The following ST6GALNAC5 variants were observed in gnomAD, a reference collection of about 807,000 sequenced individuals.
ST6GALNAC5 encodes the protein alpha-N-acetylgalactosaminide alpha-2,6-sialyltransferase 5.
ST6GALNAC5 carries 27 observed loss-of-function variants against 33.6 expected under a neutral mutation model. The observed-to-expected ratio is 0.80, with a 90% confidence interval of 0.59 to 1.11. The LOEUF (loss-of-function observed/expected upper bound fraction) is 1.11. Ranked by LOEUF, ST6GALNAC5 falls within the 50% of genes least tolerant of loss-of-function variation. ST6GALNAC5 has a pLI of 0.00. For missense variants in ST6GALNAC5, 428 were observed against 454.0 expected (o/e 0.94, Z 0.52); for synonymous variants, 194 against 171.2 (o/e 1.13, Z -1.04).
intron 2 of ST6GALNAC5, among the ~76,000 whole-genome samples, chr1:76,972,573 A>C (rs1414119237): frequency 6.6e-6 from 1 of 152,216 alleles, no homozygotes; most frequent in African/African-American, 2.4e-5. Flanking sequence ...TACTTAAATC[A>C]GTCCCTTACT....
At chr1:76,895,134 T>G in intron 2 of ST6GALNAC5, among the ~76,000 whole-genome samples, 1 of 152,126 alleles carries the variant, frequency 6.6e-6, no homozygotes, top group Non-Finnish European at 1.5e-5. Flanking sequence ...TGGAATGTCA[T>G]CAGTTAAGGC....
intron 2 of ST6GALNAC5, among the ~76,000 whole-genome samples, chr1:76,878,686 G>A (rs1653706323): frequency 6.6e-6 from 1 of 152,154 alleles, no homozygotes; most frequent in South Asian, 2.1e-4. Flanking sequence ...CTGTAAACTG[G>A]CTCAAGTCTG....
At chr1:76,904,351 T>C (rs1051341988) in intron 2 of ST6GALNAC5, among the ~76,000 whole-genome samples, 1 of 152,156 alleles carries the variant, frequency 6.6e-6, no homozygotes, top group Non-Finnish European at 1.5e-5. Context: ...TATCCATACC[T>C]TTATTAAAAG....
At chr1:76,907,497 A>G (rs1332542076) in intron 2 of ST6GALNAC5, among the ~76,000 whole-genome samples, 1 of 152,150 alleles carries the variant, frequency 6.6e-6, no homozygotes, top group Non-Finnish European at 1.5e-5. Context: ...AGTAGAACAG[A>G]CATTTAGTCA....
At chr1:76,872,120 A>ACACAC (rs1653524224) in intron 2 of ST6GALNAC5, among the ~76,000 whole-genome samples, 5 of 128,132 alleles carry the variant, frequency 3.9e-5, no homozygotes, top group African/African-American at 1.7e-4. Context: ...CACACACACC[A>ACACAC]CACACATTAA....
At chr1:77,039,051 G>A (rs937977365) in intron 2 of ST6GALNAC5, among the ~76,000 whole-genome samples, 1 of 152,136 alleles carries the variant, frequency 6.6e-6, no homozygotes, top group African/African-American at 2.4e-5. Flanking sequence ...AAATAAAATG[G>A]TAAGATCTGA....
intron 2 of ST6GALNAC5, among the ~76,000 whole-genome samples, chr1:76,878,050 C>T (rs1332753949): frequency 6.6e-6 from 1 of 152,152 alleles, no homozygotes; most frequent in Non-Finnish European, 1.5e-5. Context: ...CTCCAAGATC[C>T]ATCTGTCTTC....
chr1:76,998,053 T>C (rs1650004020), intron 2 of ST6GALNAC5, among the ~76,000 whole-genome samples: 1 of 152,190 alleles, frequency 6.6e-6, no homozygotes, highest in African/African-American at 2.4e-5. Context: ...AAGAGGTGCT[T>C]TCTGCCATGA....
chr1:76,941,512 C>G (rs146959878), intron 2 of ST6GALNAC5, among the ~76,000 whole-genome samples: 6 of 152,164 alleles, frequency 3.9e-5, no homozygotes, highest in South Asian at 2.1e-4. Context: ...ATAAATGTAG[C>G]CTTTTTCAGA....
At chr1:77,046,107 A>G (rs140971889) in intron 3 of ST6GALNAC5, among the ~76,000 whole-genome samples, 139 of 152,324 alleles carry the variant, frequency 9.1e-4, no homozygotes, top group African/African-American at 3.3e-3. Flanking sequence ...TTACTGAGTC[A>G]ATTGCTTATC....
At chr1:77,044,648 G>A (rs763476791) in intron 3 of ST6GALNAC5, 35 bp downstream of exon 3, 27 of 1,515,946 alleles carry the variant, frequency 1.8e-5, no homozygotes, top group Non-Finnish European at 2.3e-5. Context: ...GCAGGGGAGG[G>A]TGAGGATAAG....
chr1:76,962,910 C>G (rs138967804), intron 2 of ST6GALNAC5, among the ~76,000 whole-genome samples: 1 of 152,244 alleles, frequency 6.6e-6, no homozygotes, highest in Non-Finnish European at 1.5e-5. Flanking sequence ...TTACCAAGAG[C>G]ATTGAAGGAA....
intron 2 of ST6GALNAC5, among the ~76,000 whole-genome samples, chr1:76,885,237 C>T (rs1214781628): frequency 4.6e-5 from 7 of 151,578 alleles, no homozygotes; most frequent in East Asian, 1.9e-4. Context: ...TATAACATGT[C>T]GAAAAGAAAT....
intron 2 of ST6GALNAC5, among the ~76,000 whole-genome samples, chr1:76,880,814 C>G (rs1183313829): frequency 6.6e-6 from 1 of 152,214 alleles, no homozygotes; most frequent in African/African-American, 2.4e-5. Context: ...CATTAACTAT[C>G]ACACTCATGC....
intron 2 of ST6GALNAC5, among the ~76,000 whole-genome samples, chr1:76,957,136 T>A (rs1349823173): frequency 6.6e-6 from 1 of 152,198 alleles, no homozygotes; most frequent in Non-Finnish European, 1.5e-5. Flanking sequence ...ACAGACTGGG[T>A]AACTTAAAAC....
At chr1:76,951,788 G>T (rs1449829531) in intron 2 of ST6GALNAC5, among the ~76,000 whole-genome samples, 1 of 151,926 alleles carries the variant, frequency 6.6e-6, no homozygotes, top group African/African-American at 2.4e-5. Flanking sequence ...GTACCCAATC[G>T]TTTCTTTAAG....
chr1:77,046,698 AG>A (rs1199133706), intron 3 of ST6GALNAC5, among the ~76,000 whole-genome samples: 1 of 152,272 alleles, frequency 6.6e-6, no homozygotes, highest in Non-Finnish European at 1.5e-5. Context: ...GGAATCAAGA[AG>A]GAGGGGAATT....
intron 2 of ST6GALNAC5, among the ~76,000 whole-genome samples, chr1:76,932,203 G>C (rs563405403): frequency 6.6e-6 from 1 of 152,226 alleles, no homozygotes; most frequent in South Asian, 2.1e-4. Context: ...TGTTGGCCTT[G>C]ACAAGTTACC....
intron 2 of ST6GALNAC5, among the ~76,000 whole-genome samples, chr1:76,887,206 A>T (rs1653916901): frequency 6.6e-6 from 1 of 152,166 alleles, no homozygotes; most frequent in South Asian, 2.1e-4. Flanking sequence ...CCCTAATTGT[A>T]TTTCTTTGTT....
Sources: gnomAD v4.1 joint callset for allele counts (sites outside exome capture counted in the v4.1 genomes callset) on GRCh38, gnomAD v4.1.1 for gene constraint, MANE v1.5 for transcripts, NCBI Gene and HGNC (gene_info 2026-07-23, HGNC 2026-07-21) for gene names.